The following CELSR1 variants were observed in gnomAD, a reference collection of about 807,000 sequenced individuals.
The protein encoded by CELSR1 is cadherin EGF LAG seven-pass G-type receptor 1, also known as adhesion G protein-coupled receptor C1.
In CELSR1, 110 loss-of-function variants were observed where a neutral mutation model predicts 249.1. The observed-to-expected ratio is 0.44, with a 90% CI of 0.38 to 0.52. CELSR1 has a LOEUF of 0.52. Ranked by LOEUF, CELSR1 falls within the 20% of genes least tolerant of loss-of-function variation. The probability of loss-of-function intolerance (pLI) is 0.00; values close to 1 mark genes in which losing one functional copy is unlikely to be tolerated. For synonymous variants in CELSR1, 2,113 were observed against 1,900.0 expected (o/e 1.11, Z -2.92); for missense variants, 4,109 against 4,296.4 (o/e 0.96, Z 1.22).
chr22:46,364,091 G>C lies in CELSR1; in HGVS notation c.8940C>G (p.Val2980=). The C allele has an allele frequency of 6.2e-7, 1 of 1,612,320 alleles. No homozygotes were observed. The highest frequency in any genetic ancestry group is 8.5e-7 in the Non-Finnish European group (1 of 1,179,668). The part of the protein sequence containing the change: ...GSGGPDCAIT[V]KSPGREPGRD... ...GCCCCGGCTCCCTCCCAGGGCTCTT[G>C]ACTGTGATGGCGCAGTCGGGGCCGC... The change falls in exon 34 of 35, where the codon GTC becomes GTG. Residue 2980 remains valine (V), a synonymous_variant. Transcript: ENST00000674500.
chr22:46,416,434 C>A (rs2079402753), intron 5 of CELSR1, among the ~76,000 whole-genome samples: 1 of 151,994 alleles, frequency 6.6e-6, no homozygotes, highest in African/African-American at 2.4e-5. Context: ...CCAGGCCTCG[C>A]TTCCAGGACA....
chr22:46,470,481 A>G (rs2080144864), intron 1 of CELSR1, among the ~76,000 whole-genome samples: 1 of 152,044 alleles, frequency 6.6e-6, no homozygotes, highest in African/African-American at 2.4e-5. Flanking sequence ...AGGGACATCC[A>G]TCTTCACTCA....
chr22:46,508,346 G>T (rs1457744164), intron 1 of CELSR1, among the ~76,000 whole-genome samples: 1 of 151,886 alleles, frequency 6.6e-6, no homozygotes, highest in African/African-American at 2.4e-5. Flanking sequence ...GGGGGTGGAG[G>T]GTGGGATGGG....
chr22:46,384,537 T>C lies in CELSR1; in HGVS notation c.6883+6A>G, dbSNP rs1000693140. ...AGGGCAGCAGCAGGTTTCTAAGCGG[T>C]TTTACCTTTTTCTTCAGGTGGTCTG... On this transcript the variant is annotated splice_donor_region_variant and intron_variant, in intron 20 of 34. Coordinates refer to ENST00000674500, the MANE Select transcript of CELSR1 (RefSeq NM_001378328.1). 1.9e-6 allele frequency: 3 copies of C among 1,597,286 alleles called. No homozygotes were observed. The highest frequency in any genetic ancestry group is 2.6e-6 in the Non-Finnish European group (3 of 1,171,786).
chr22:46,379,695 C>T (rs117959398), intron 22 of CELSR1, among the ~76,000 whole-genome samples: 5,608 of 152,318 alleles, frequency 0.037, 143 homozygotes, highest in Non-Finnish European at 0.058. Flanking sequence ...ACCATAGCGC[C>T]ACCCCCAGCA....
chr22:46,466,877 G>A (rs2080102132), intron 1 of CELSR1, among the ~76,000 whole-genome samples: 1 of 152,194 alleles, frequency 6.6e-6, no homozygotes, highest in Admixed American at 6.6e-5. Context: ...GGCCCCACCA[G>A]GGGATTTGCA....
chr22:46,520,002 G>A (rs1449577330), intron 1 of CELSR1, among the ~76,000 whole-genome samples: 1 of 152,022 alleles, frequency 6.6e-6, no homozygotes, highest in Non-Finnish European at 1.5e-5. Flanking sequence ...CACCCGAGTA[G>A]GTGGGATTAC....
intron 2 of CELSR1, among the ~76,000 whole-genome samples, chr22:46,444,392 C>T (rs1036062513): frequency 6.6e-6 from 1 of 152,174 alleles, no homozygotes; most frequent in Admixed American, 6.5e-5. Flanking sequence ...GGGAGGCTGA[C>T]CGATATAAGC....
chr22:46,451,725 C>T (rs2079887501), intron 2 of CELSR1, among the ~76,000 whole-genome samples: 3 of 152,168 alleles, frequency 2.0e-5, no homozygotes, highest in Non-Finnish European at 2.9e-5. Flanking sequence ...ATGGGCTACA[C>T]GGTGGCCCCC....
chr22:46,444,102 C>A (rs549385342), intron 2 of CELSR1, among the ~76,000 whole-genome samples: 2 of 152,342 alleles, frequency 1.3e-5, no homozygotes, highest in South Asian at 2.1e-4. Flanking sequence ...CTCAGACTCT[C>A]CCAGAGGAAA....
intron 24 of CELSR1, among the ~76,000 whole-genome samples, chr22:46,373,490 G>C (rs1039025579): frequency 4.7e-5 from 7 of 149,374 alleles, no homozygotes; most frequent in African/African-American, 1.5e-4. Context: ...TCTGGGGTGG[G>C]GGGGGCAGCT....
intron 22 of CELSR1, among the ~76,000 whole-genome samples, chr22:46,379,863 G>A (rs1329193132): frequency 6.6e-6 from 1 of 152,160 alleles, no homozygotes; most frequent in African/African-American, 2.4e-5. Context: ...GGTGTGTGGG[G>A]AGGCAGTGGG....
intron 1 of CELSR1, among the ~76,000 whole-genome samples, chr22:46,533,248 GA>G (rs1201831174): frequency 6.6e-6 from 1 of 152,202 alleles, no homozygotes; most frequent in Non-Finnish European, 1.5e-5. Flanking sequence ...TCTTCCCAGA[GA>G]GCCCTGTGGC....
intron 20 of CELSR1, among the ~76,000 whole-genome samples, chr22:46,383,150 G>A (rs568008970): frequency 6.6e-6 from 1 of 152,270 alleles, no homozygotes; most frequent in Non-Finnish European, 1.5e-5. Flanking sequence ...AGAGAGAGCT[G>A]GCTGCAATGG....
At chr22:46,400,732 G>A (rs2147290778) in intron 9 of CELSR1, among the ~76,000 whole-genome samples, 1 of 152,128 alleles carries the variant, frequency 6.6e-6, no homozygotes, top group East Asian at 1.9e-4. Context: ...CGGGTGGATT[G>A]CTTGAGGCCA....
In CELSR1 at chr22:46,433,331, C is replaced by T. The variant is rs896592532; in HGVS notation, c.4611+62G>A. 25 of 1,323,260 alleles carry T rather than the reference C, an allele frequency of 1.9e-5. No homozygotes were observed. Among genetic ancestry groups the T allele is most frequent in the Non-Finnish European group, 1.3e-5 (12 of 934,878 alleles). 82.0% of individuals were successfully genotyped at this position (1,323,260 alleles called of 1,614,324 possible). A position where few individuals can be genotyped will look rare whatever the true frequency, so the allele number is the denominator to read the frequency against. ...ATTACAGGCGTGAGCCACTGCGCCT[C>T]GCCCCAGGGCACCTTCTCGAGCCGC... is the stretch of plus-strand genomic sequence containing the variant. On this transcript the variant is annotated intron_variant, in intron 5 of 34. Coordinates refer to ENST00000674500, the MANE Select transcript of CELSR1 (RefSeq NM_001378328.1). This position sits in a 1 kb window ranked among gnomAD's most constrained non-coding sequence, Gnocchi z 5.7.
chr22:46,389,265 G>A (rs774589308), intron 18 of CELSR1, 25 bp downstream of exon 18: 28 of 1,599,726 alleles, frequency 1.8e-5, no homozygotes, highest in Middle Eastern at 2.2e-4. Flanking sequence ...GTGTCCCCGA[G>A]CCAGGGTGGC....
At chr22:46,373,511 CGCTCTGGGAGGGGCAGCTTCGTGCCCAGT>C (rs1167217615) in intron 24 of CELSR1, among the ~76,000 whole-genome samples, 10 of 147,638 alleles carry the variant, frequency 6.8e-5, no homozygotes, top group African/African-American at 1.0e-4. Context: ...TCACGCCCAG[CGCTCTGGGAGGGGCAGCTTCGTGCCCAGT>C]GCTCTGGGAG....
At chr22:46,482,650 G>A (rs112750381) in intron 1 of CELSR1, among the ~76,000 whole-genome samples, 2,737 of 152,184 alleles carry the variant, frequency 0.018, 84 homozygotes, top group African/African-American at 0.062. Flanking sequence ...AGGAGGCAAA[G>A]GTTGCAGTGA....
Sources: gnomAD v4.1 joint callset for allele counts (sites outside exome capture counted in the v4.1 genomes callset) on GRCh38, gnomAD v4.1.1 for gene constraint, Gnocchi (gnomAD v3.1) non-coding constraint, MANE v1.5 for transcripts, NCBI Gene and HGNC (gene_info 2026-07-23, HGNC 2026-07-21) for gene names.